The following SLC43A1 variants were observed in gnomAD, a reference collection of about 807,000 sequenced individuals.
SLC43A1 encodes large neutral amino acids transporter small subunit 3.
In SLC43A1, 31 loss-of-function variants were observed where a neutral mutation model predicts 59.5. The observed-to-expected ratio is 0.52, with a 90% CI of 0.39 to 0.70. SLC43A1 has a LOEUF of 0.70. SLC43A1 is among the 30% of genes least tolerant of loss of function. The pLI, the probability that SLC43A1 is intolerant of heterozygous loss-of-function variation, is 0.00. For missense variants in SLC43A1, 598 were observed against 717.8 expected (o/e 0.83, Z 1.91); for synonymous variants, 259 against 290.9 (o/e 0.89, Z 1.12).
chr11:57,500,018 C>T (rs760749503), intron 5 of SLC43A1, among the ~76,000 whole-genome samples: 103 of 152,136 alleles, frequency 6.8e-4, no homozygotes, highest in Non-Finnish European at 1.2e-3. Flanking sequence ...CCCAGTCAGG[C>T]AGCCCTTCTC....
intron 2 of SLC43A1, among the ~76,000 whole-genome samples, chr11:57,508,614 AT>A (rs1944450433): frequency 6.6e-6 from 1 of 152,140 alleles, no homozygotes; most frequent in Non-Finnish European, 1.5e-5. Flanking sequence ...CTTTGCAAGA[AT>A]GGACAAATAA....
chr11:57,495,898 T>G (rs1190743961), intron 7 of SLC43A1, 133 bp downstream of exon 7: 2 of 1,005,616 alleles, frequency 2.0e-6, no homozygotes, highest in African/African-American at 3.3e-5. Flanking sequence ...AAAGCAGAGC[T>G]TGGAGGGCTC....
intron 2 of SLC43A1, among the ~76,000 whole-genome samples, chr11:57,509,914 T>C (rs12275916): frequency 0.19 from 29,298 of 151,980 alleles, 5,275 homozygotes; most frequent in African/African-American, 0.48. Flanking sequence ...GACAACCCAA[T>C]AATGGAAGGA....
intron 2 of SLC43A1, among the ~76,000 whole-genome samples, chr11:57,513,463 G>A (rs930405640): frequency 6.6e-6 from 1 of 152,358 alleles, no homozygotes; most frequent in Non-Finnish European, 1.5e-5. Flanking sequence ...GGTGATTGAA[G>A]TGGAAACCAG....
At chr11:57,508,265 T>TC (rs1375893544) in intron 2 of SLC43A1, among the ~76,000 whole-genome samples, 1 of 82,838 alleles carries the variant, frequency 1.2e-5, no homozygotes, top group Non-Finnish European at 2.8e-5. Context: ...AGATTCCATC[T>TC]CCAAAAAAAA....
chr11:57,489,583 C>T (rs1943843375), intron 11 of SLC43A1, among the ~76,000 whole-genome samples, 191 bp from the exon 12 acceptor site: 2 of 152,216 alleles, frequency 1.3e-5, no homozygotes, highest in Non-Finnish European at 2.9e-5. Context: ...TGTTGCTCCC[C>T]TACCCAATGA....
At chr11:57,496,546 A>C (rs1944093367) in intron 6 of SLC43A1, among the ~76,000 whole-genome samples, 1 of 152,198 alleles carries the variant, frequency 6.6e-6, no homozygotes, top group Non-Finnish European at 1.5e-5. Flanking sequence ...AAGGAAACTT[A>C]GTGCTCTAGG....
Position 57,496,061 on chromosome 11 carries a change from G to C in SLC43A1, c.662C>G (p.Ala221Gly), listed in dbSNP as rs899275987. 1.2e-6 allele frequency: 2 copies of C among 1,613,998 alleles called. No homozygotes were observed. The highest frequency in any genetic ancestry group is 2.7e-5 in the African/African-American group (2 of 74,914). The change falls in exon 7 of 15, where the codon GCC becomes GGC. Residue 221 changes from alanine to glycine, a missense_variant. Physicochemically the swap from Ala to Gly is moderately conservative, Grantham distance 60. Transcript: ENST00000278426. ...LNCTLNWPIE[A>G]FPAPEEVNYT... ...ATTGACTTCCTCAGGGGCAGGAAAG[G>C]CTTCGATGGGCCAGTTGAGGGTGCA... is the stretch of plus-strand genomic sequence containing the variant.
chr11:57,486,893 T>C (rs1189118924), intron 14 of SLC43A1, among the ~76,000 whole-genome samples: 1 of 152,152 alleles, frequency 6.6e-6, no homozygotes, highest in East Asian at 1.9e-4. Flanking sequence ...GGCTGAGATA[T>C]CCTGATTCAG....
rs1032090120 is a variant in SLC43A1 at position 57,485,044 on chromosome 11, T to C, written c.*52A>G. The C allele has an allele frequency of 1.3e-6, 2 of 1,563,036 alleles. No individual in the cohort carries two copies. Among genetic ancestry groups the C allele is most frequent in the South Asian group, 2.4e-5 (2 of 82,550 alleles). ...GAAAAGCCATATGGGGCACTCCTTT[T>C]GGTTGCTCAGGCCTTGATTGCCTGT... On this transcript the variant is annotated 3_prime_UTR_variant, in exon 15 of 15. Transcript: ENST00000278426.
intron 14 of SLC43A1, 80 bp from the exon 15 acceptor site, chr11:57,485,322 A>G: frequency 1.4e-6 from 2 of 1,381,596 alleles, no homozygotes; most frequent in Non-Finnish European, 1.9e-6. Flanking sequence ...GAAGGCGGCC[A>G]TTTTTCTCCA....
At chr11:57,510,216 G>C (rs1485315456) in intron 2 of SLC43A1, among the ~76,000 whole-genome samples, 1 of 152,014 alleles carries the variant, frequency 6.6e-6, no homozygotes, top group Non-Finnish European at 1.5e-5. Flanking sequence ...CAGCACTTTG[G>C]GAGGCCGAGG....
intron 2 of SLC43A1, among the ~76,000 whole-genome samples, chr11:57,502,873 C>CAA (rs35873904): frequency 8.0e-5 from 5 of 62,876 alleles, no homozygotes; most frequent in Admixed American, 1.9e-4. Flanking sequence ...GGCCCTGTCT[C>CAA]AAAAAAAAAA....
At position 57,515,660 on chromosome 11, in the gene SLC43A1, C is replaced by G. The variant is rs1403042075; in HGVS notation, c.-230G>C. 1.3e-5 allele frequency: 2 copies of G among 152,302 alleles called. No individual in the cohort carries two copies. Among genetic ancestry groups the G allele is most frequent in the African/African-American group, 4.8e-5 (2 of 41,472 alleles). The allele number at this position is 152,302 out of a possible 1,614,324, so 9.4% of individuals were successfully genotyped here. On this transcript the variant is annotated 5_prime_UTR_variant, in exon 1 of 15. Coordinates refer to ENST00000278426, the MANE Select transcript of SLC43A1 (RefSeq NM_003627.6). The surrounding 1 kb of genome is among the most constrained non-coding windows in gnomAD (Gnocchi z 5.3). ...CGGAAGAAGCGGGGGAACTGGGAAC[C>G]CGCCGGGCGCCAGAGGTCTGCGAAG...
chr11:57,491,884 C>A (rs772055253), intron 8 of SLC43A1, 22 bp from the exon 9 acceptor site: 2 of 1,611,622 alleles, frequency 1.2e-6, no homozygotes, highest in African/African-American at 1.3e-5. Flanking sequence ...GCAGGGGGCG[C>A]CCCTGAGCCC....
chr11:57,492,912 C>T (rs1476547890), intron 8 of SLC43A1, among the ~76,000 whole-genome samples: 1 of 151,694 alleles, frequency 6.6e-6, no homozygotes, highest in African/African-American at 2.4e-5. Flanking sequence ...TGGTGGTGCA[C>T]GCCTGTAGTC....
intron 6 of SLC43A1, 79 bp downstream of exon 6, chr11:57,497,674 G>A (rs1034426143): frequency 5.8e-6 from 6 of 1,037,326 alleles, no homozygotes; most frequent in South Asian, 1.4e-5. Context: ...CAGACCCGTG[G>A]GTCAGCACTA....
At chr11:57,505,795 G>A (rs538018323) in intron 2 of SLC43A1, among the ~76,000 whole-genome samples, 1 of 152,218 alleles carries the variant, frequency 6.6e-6, no homozygotes, top group South Asian at 2.1e-4. Flanking sequence ...TGAAGCACCT[G>A]GAGTCTGGAA....
Position 57,514,788 on chromosome 11 carries a change from G to A in SLC43A1, c.-14+656C>T, listed in dbSNP as rs1265460841. 4.1e-6 allele frequency: 4 copies of A among 984,608 alleles called. No individual in the cohort carries two copies. Among genetic ancestry groups the A allele is most frequent in the Non-Finnish European group, 4.8e-6 (4 of 829,290 alleles). The allele number at this position is 984,608 out of a possible 1,614,324, so 61.0% of individuals were successfully genotyped here. A position where few individuals can be genotyped will look rare whatever the true frequency, so the allele number is the denominator to read the frequency against. On this transcript the variant is annotated intron_variant, in intron 1 of 14. Transcript: ENST00000278426. This position sits in a 1 kb window ranked among gnomAD's most constrained non-coding sequence, Gnocchi z 5.5. ...CGCGCGCCCCTCACTCACTCCGCAGGGCTCGGGGCACCAGGCTTTGCACCT... is the reference window on the plus strand; with the variant it reads ...CGCGCGCCCCTCACTCACTCCGCAGAGCTCGGGGCACCAGGCTTTGCACCT...
Sources: allele counts gnomAD v4.1 joint callset (sites outside exome capture counted in the v4.1 genomes callset), GRCh38; gene constraint gnomAD v4.1.1; non-coding constraint Gnocchi (gnomAD v3.1); transcripts MANE v1.5; gene names NCBI Gene and HGNC (gene_info 2026-07-23, HGNC 2026-07-21).